Variants in ROBO2 observed in about 807,000 individuals in gnomAD.
ROBO2 encodes roundabout guidance receptor 2.
Under a neutral mutation model 160.8 loss-of-function variants are expected in ROBO2, and 53 were observed. That is an observed-to-expected ratio of 0.33 (90% CI 0.26 to 0.41). The LOEUF is 0.41. Among genes scored for constraint, ROBO2 ranks in the 10% least tolerant of loss-of-function variants. ROBO2 has a pLI of 1.00. For synonymous variants in ROBO2, 664 were observed against 611.7 expected, an observed-to-expected ratio of 1.09 and a Z score of -1.26; for missense variants, 1,577 against 1,722.4, an observed-to-expected ratio of 0.92 and a Z score of 1.49.
chr3:76,609,702 C>T (rs1371820582), intron 2 of ROBO2, among the ~76,000 whole-genome samples: 1 of 152,088 alleles, frequency 6.6e-6, no homozygotes, highest in Non-Finnish European at 1.5e-5. Context: ...AATGTGGATG[C>T]CCTTTATTTC....
chr3:75,907,846 CGT>C (rs965186024), intron 1 of ROBO2, among the ~76,000 whole-genome samples: 1 of 77,798 alleles, frequency 1.3e-5, no homozygotes, highest in Admixed American at 1.5e-4. Flanking sequence ...TTTTTTTAAT[CGT>C]GTGCGTGTGT....
chr3:76,233,988 G>A (rs1704781885), intron 2 of ROBO2, among the ~76,000 whole-genome samples: 1 of 152,144 alleles, frequency 6.6e-6, no homozygotes, highest in Non-Finnish European at 1.5e-5. Flanking sequence ...CCAACCTCAA[G>A]TAGACCCCAA....
At position 77,097,833 on chromosome 3, in the gene ROBO2, G is replaced by C. The variant is rs189492872; in HGVS notation, c.62-181G>C. Among the ~76,000 whole-genome samples, 8 of 152,164 alleles carry C rather than the reference G, an allele frequency of 5.3e-5. No homozygotes were observed. The East Asian group carries it at 1.4e-3, about 26-fold the overall frequency. ...TTTGAGTTAACATATTAATTTATTG[G>C]TATCGCCCTATCCTGCAAAGGAGTT... On this transcript the variant is annotated intron_variant, in intron 1 of 25. Transcript: ENST00000461745.
intron 2 of ROBO2, among the ~76,000 whole-genome samples, chr3:77,245,056 G>A (rs1204801876): frequency 6.6e-6 from 1 of 151,736 alleles, no homozygotes; most frequent in Non-Finnish European, 1.5e-5. Context: ...GAGGATGATG[G>A]CTAAAAGTAA....
chr3:76,051,854 T>TATTTATAAATTCCAATA (rs758774364), intron 2 of ROBO2, among the ~76,000 whole-genome samples: 3,118 of 152,132 alleles, frequency 0.02, 43 homozygotes, highest in East Asian at 0.081. Context: ...CCTATAAATT[T>TATTTATAAATTCCAATA]AGTTGATAAA....
At chr3:77,089,121 C>CA (rs2069765853) in intron 1 of ROBO2, among the ~76,000 whole-genome samples, 1 of 152,014 alleles carries the variant, frequency 6.6e-6, no homozygotes, top group Non-Finnish European at 1.5e-5. Context: ...AAAAGCCAAA[C>CA]AAAAAACAAC....
chr3:77,259,735 A>G (rs1322310188), intron 2 of ROBO2, among the ~76,000 whole-genome samples: 2 of 152,254 alleles, frequency 1.3e-5, no homozygotes, highest in Admixed American at 6.5e-5. Flanking sequence ...ATGTCGTTTT[A>G]CAATCACTTC....
intron 2 of ROBO2, among the ~76,000 whole-genome samples, chr3:76,249,734 A>G (rs1014903131): frequency 1.3e-5 from 2 of 152,106 alleles, no homozygotes; most frequent in African/African-American, 2.4e-5. Flanking sequence ...CAATTCCACA[A>G]TGCGTTTAAC....
chr3:76,842,901 A>C (rs1277800332), intron 2 of ROBO2, among the ~76,000 whole-genome samples: 1 of 152,096 alleles, frequency 6.6e-6, no homozygotes, highest in Non-Finnish European at 1.5e-5. Flanking sequence ...TTTTCTATTC[A>C]AGAAGCAGAG....
intron 23 of ROBO2, among the ~76,000 whole-genome samples, chr3:77,624,346 A>C (rs2094961512): frequency 6.6e-6 from 1 of 151,982 alleles, no homozygotes; most frequent in African/African-American, 2.4e-5. Context: ...AGTATGTGTT[A>C]GATGTGTGAG....
chr3:77,612,583 A>G (rs1318771352), intron 21 of ROBO2, among the ~76,000 whole-genome samples: 1 of 152,140 alleles, frequency 6.6e-6, no homozygotes, highest in Non-Finnish European at 1.5e-5. Context: ...GCTATCCCAA[A>G]GGGGTAAAGA....
At position 77,079,376 on chromosome 3, in the gene ROBO2, G is replaced by A. The variant is rs142663240; in HGVS notation, c.62-18638G>A. On this transcript the variant is annotated intron_variant, in intron 1 of 25. Transcript: ENST00000461745. ...TATCCTTCATTCCAAGATAGACTAC[G>A]TTCCAGATTTAATGATTTTCTTGGC... is the stretch of plus-strand genomic sequence containing the variant. Among the ~76,000 whole-genome samples the A allele has an allele frequency of 8.9e-3, 1,354 of 152,238 alleles. 20 individuals are homozygous for A. Among genetic ancestry groups the A allele is most frequent in the Middle Eastern group, 0.041 (12 of 294 alleles).
chr3:77,531,318 C>T (rs752081456), intron 6 of ROBO2, among the ~76,000 whole-genome samples: 1 of 151,758 alleles, frequency 6.6e-6, no homozygotes, highest in Non-Finnish European at 1.5e-5. Flanking sequence ...ATAAGAAGTA[C>T]ACATGCTTTT....
chr3:76,019,925 G>A (rs950643741), intron 2 of ROBO2, among the ~76,000 whole-genome samples: 13 of 151,792 alleles, frequency 8.6e-5, no homozygotes, highest in Non-Finnish European at 1.5e-4. Flanking sequence ...GCATATCTGA[G>A]AATACTGTAT....
At chr3:76,979,271 A>T (rs2059970065) in intron 2 of ROBO2, among the ~76,000 whole-genome samples, 1 of 151,866 alleles carries the variant, frequency 6.6e-6, no homozygotes, top group Admixed American at 6.6e-5. Context: ...ACTTAGATAT[A>T]TTGTATATTG....
chr3:76,160,469 A>G (rs1218892669), intron 2 of ROBO2, among the ~76,000 whole-genome samples: 1 of 152,130 alleles, frequency 6.6e-6, no homozygotes, highest in Non-Finnish European at 1.5e-5. Flanking sequence ...GGTCATCCCC[A>G]TTAGGACATG....
chr3:76,519,171 C>G (rs1210556738), intron 2 of ROBO2, among the ~76,000 whole-genome samples: 1 of 152,072 alleles, frequency 6.6e-6, no homozygotes, highest in Non-Finnish European at 1.5e-5. Context: ...ATTACATATC[C>G]AGTGATGTTT....
intron 2 of ROBO2, among the ~76,000 whole-genome samples, chr3:77,357,515 T>G (rs926047138): frequency 1.3e-5 from 2 of 152,166 alleles, no homozygotes; most frequent in African/African-American, 2.4e-5. Flanking sequence ...ATTTCTGATT[T>G]TTATACATTA....
At chr3:75,935,519 A>G (rs1947732615) in intron 1 of ROBO2, among the ~76,000 whole-genome samples, 1 of 152,174 alleles carries the variant, frequency 6.6e-6, no homozygotes. Context: ...AAAAATAAAT[A>G]AATCACAAAA....
Sources: allele counts gnomAD v4.1 joint callset (sites outside exome capture counted in the v4.1 genomes callset), GRCh38; gene constraint gnomAD v4.1.1; transcripts MANE v1.5; gene names NCBI Gene and HGNC (gene_info 2026-07-23, HGNC 2026-07-21).